The following ANKFN1 variants were observed in gnomAD, a reference collection of about 807,000 sequenced individuals.
ANKFN1 encodes ankyrin repeat and fibronectin type III domain containing 1, also known as ankyrin repeat and fibronectin type-III domain-containing protein 1.
A neutral mutation model predicts 108.7 loss-of-function variants in ANKFN1; 74 were observed. That is an observed-to-expected ratio of 0.68 (90% confidence interval 0.56 to 0.83). ANKFN1 has a LOEUF of 0.83. Among genes scored for constraint, ANKFN1 ranks in the 40% least tolerant of loss-of-function variants. ANKFN1 has a pLI of 0.00. For missense variants in ANKFN1, 1,505 were observed against 1,382.3 expected, an observed-to-expected ratio of 1.09 and a Z score of -1.41; for synonymous variants, 547 against 516.2, an observed-to-expected ratio of 1.06 and a Z score of -0.81.
intron 1 of ANKFN1, among the ~76,000 whole-genome samples, chr17:56,170,061 T>A (rs1282970118): frequency 6.6e-6 from 1 of 152,156 alleles, no homozygotes; most frequent in Non-Finnish European, 1.5e-5. Flanking sequence ...CCATCCCAGG[T>A]CCTGAAAGTG....
At chr17:56,327,462 A>G (rs113187825) in intron 4 of ANKFN1, among the ~76,000 whole-genome samples, 35 of 152,192 alleles carry the variant, frequency 2.3e-4, no homozygotes, top group African/African-American at 7.0e-4. Flanking sequence ...TGATGTCACA[A>G]CAGTGAGCAG....
intron 4 of ANKFN1, among the ~76,000 whole-genome samples, chr17:56,143,091 A>G (rs181028674): frequency 5.6e-4 from 85 of 152,284 alleles, no homozygotes; most frequent in African/African-American, 2.0e-3. Flanking sequence ...AAGAATTCCA[A>G]TGATGAGAAG....
At chr17:56,201,500 G>T (rs191785917) in intron 1 of ANKFN1, among the ~76,000 whole-genome samples, 85 of 152,162 alleles carry the variant, frequency 5.6e-4, no homozygotes, top group African/African-American at 1.6e-3. Flanking sequence ...ACTATAAACT[G>T]TAAACCCCAT....
At chr17:56,175,986 C>CA (rs923536798) in intron 1 of ANKFN1, among the ~76,000 whole-genome samples, 33 of 150,934 alleles carry the variant, frequency 2.2e-4, no homozygotes, top group Admixed American at 1.3e-4. Context: ...GAGAGAGAGA[C>CA]AAAAAAATAC....
chr17:56,177,774 C>G lies in ANKFN1; in HGVS notation c.-71+24244C>G, dbSNP rs1911307180. On this transcript the variant is annotated intron_variant, in intron 1 of 20. Coordinates refer to ENST00000682825, the MANE Select transcript of ANKFN1 (RefSeq NM_001370326.1). ...TTAACTGCCTAAGCTCCTAATTTTACTATAACTGCCAACATAGGTTTTTGT... is the reference window on the plus strand; with the variant it reads ...TTAACTGCCTAAGCTCCTAATTTTAGTATAACTGCCAACATAGGTTTTTGT... Among the ~76,000 whole-genome samples the G allele has an allele frequency of 2.6e-5, 4 of 152,024 alleles. No homozygotes were observed. In the South Asian group the frequency reaches 8.3e-4, roughly 32 times the overall value.
At chr17:56,244,646 T>C (rs1255198550) in intron 3 of ANKFN1, among the ~76,000 whole-genome samples, 1 of 152,130 alleles carries the variant, frequency 6.6e-6, no homozygotes, top group Non-Finnish European at 1.5e-5. Context: ...AGGCTGCATA[T>C]AGCCAGCAGG....
chr17:56,464,357 G>A (rs1164125193), intron 14 of ANKFN1, among the ~76,000 whole-genome samples: 6 of 152,168 alleles, frequency 3.9e-5, no homozygotes, highest in Admixed American at 2.0e-4. Flanking sequence ...GCGTCTTAAT[G>A]ATAATACAAT....
intron 8 of ANKFN1, among the ~76,000 whole-genome samples, chr17:56,386,009 G>A (rs575314032): frequency 1.3e-3 from 197 of 152,276 alleles, no homozygotes; most frequent in African/African-American, 4.5e-3. Context: ...CTGCTATAAA[G>A]ACACATGCAC....
chr17:56,173,193 C>T (rs1290272054), intron 1 of ANKFN1, among the ~76,000 whole-genome samples: 1 of 152,218 alleles, frequency 6.6e-6, no homozygotes, highest in Non-Finnish European at 1.5e-5. Flanking sequence ...CCACTGCTAG[C>T]TCCTGGCTCC....
At chr17:56,267,197 G>C (rs577624669) in intron 3 of ANKFN1, among the ~76,000 whole-genome samples, 1 of 152,296 alleles carries the variant, frequency 6.6e-6, no homozygotes, top group South Asian at 2.1e-4. Flanking sequence ...GCCTCCAGCT[G>C]CATGTGTGTT....
chr17:56,467,787 GAAAGAAGAAAGA>G lies in ANKFN1; in HGVS notation c.1773+1219_1773+1230del, dbSNP rs1218524984. Among the ~76,000 whole-genome samples, 411 of 75,126 alleles carry G rather than the reference GAAAGAAGAAAGA, an allele frequency of 5.5e-3. 1 individual carries two copies. The highest frequency in any genetic ancestry group is 6.5e-3 in the Non-Finnish European group (262 of 40,520). The allele number at this position is 75,126 out of a possible 152,430, so 49.3% of individuals were successfully genotyped here. On this transcript the variant is annotated intron_variant, in intron 15 of 20. Coordinates refer to ENST00000682825, the MANE Select transcript of ANKFN1 (RefSeq NM_001370326.1). ...AGAAAGAAAGAAAGAAAGAAAGAAA[GAAAGAAGAAAGA>G]AAGAAAGAAAGAAAGAAAGAAAGAA... is the stretch of plus-strand genomic sequence containing the variant.
intron 3 of ANKFN1, among the ~76,000 whole-genome samples, chr17:56,287,662 A>G (rs2044253315): frequency 6.6e-6 from 1 of 152,238 alleles, no homozygotes; most frequent in South Asian, 2.1e-4. Context: ...AACGATCCTC[A>G]AATCACATGG....
intron 8 of ANKFN1, among the ~76,000 whole-genome samples, chr17:56,432,934 A>G (rs2048807312): frequency 6.6e-6 from 1 of 152,148 alleles, no homozygotes; most frequent in Non-Finnish European, 1.5e-5. Flanking sequence ...ATCATCTAGC[A>G]TTTATACAAT....
chr17:56,297,392 A>G (rs1463236892), intron 3 of ANKFN1, among the ~76,000 whole-genome samples: 2 of 152,196 alleles, frequency 1.3e-5, no homozygotes, highest in African/African-American at 2.4e-5. Context: ...CAGGAGGGTG[A>G]GAGCAATCTA....
chr17:56,266,926 T>C (rs1436830266), intron 3 of ANKFN1, among the ~76,000 whole-genome samples: 6 of 152,170 alleles, frequency 3.9e-5, no homozygotes, highest in Non-Finnish European at 8.8e-5. Flanking sequence ...AAGGGATTCA[T>C]CTCTCCTCTT....
chr17:56,199,495 T>C (rs9911321), intron 1 of ANKFN1, among the ~76,000 whole-genome samples: 108,088 of 152,038 alleles, frequency 0.71, 38,917 homozygotes, highest in East Asian at 0.94. Context: ...CAGAACAATA[T>C]GAAATCACAA....
At chr17:56,211,131 T>C (rs1478351898) in intron 1 of ANKFN1, among the ~76,000 whole-genome samples, 3 of 152,230 alleles carry the variant, frequency 2.0e-5, no homozygotes, top group Non-Finnish European at 2.9e-5. Context: ...TTTATCTTTG[T>C]TTTTGTTGCA....
At chr17:56,221,398 G>A (rs909218751) in intron 2 of ANKFN1, among the ~76,000 whole-genome samples, 1 of 152,128 alleles carries the variant, frequency 6.6e-6, no homozygotes. Context: ...TGAAGGGCCT[G>A]AAGTAGATGA....
At chr17:56,458,782 C>T (rs2049802283) in intron 14 of ANKFN1, among the ~76,000 whole-genome samples, 1 of 152,158 alleles carries the variant, frequency 6.6e-6, no homozygotes, top group Non-Finnish European at 1.5e-5. Flanking sequence ...TCTGCAGTTA[C>T]ATCAACCCCA....
Sources: allele counts gnomAD v4.1 joint callset (sites outside exome capture counted in the v4.1 genomes callset), GRCh38; gene constraint gnomAD v4.1.1; transcripts MANE v1.5; gene names NCBI Gene and HGNC (gene_info 2026-07-23, HGNC 2026-07-21).